The following MARCHF1 variants were observed in gnomAD, a reference collection of about 807,000 sequenced individuals.
MARCHF1 encodes membrane associated ring-CH-type finger 1.
A neutral mutation model predicts 54.2 loss-of-function variants in MARCHF1; 40 were observed. The observed-to-expected ratio is 0.74, with a 90% CI of 0.57 to 0.96. The LOEUF (loss-of-function observed/expected upper bound fraction) is 0.96, where lower values mean the gene tolerates loss of function less well. Ranked by LOEUF, MARCHF1 falls within the 40% of genes least tolerant of loss-of-function variation. The probability of loss-of-function intolerance (pLI) is 0.00; values close to 1 mark genes in which losing one functional copy is unlikely to be tolerated. For synonymous variants in MARCHF1, 236 were observed against 236.3 expected, an observed-to-expected ratio of 1.00 and a Z score of 0.01; for missense variants, 586 against 656.5, an observed-to-expected ratio of 0.89 and a Z score of 1.17.
chr4:164,373,156 C>T (rs1483975975), intron 1 of MARCHF1, among the ~76,000 whole-genome samples: 2 of 152,092 alleles, frequency 1.3e-5, no homozygotes, highest in Non-Finnish European at 2.9e-5. Flanking sequence ...ATACTATCAT[C>T]TGCATTTTGC....
intron 1 of MARCHF1, among the ~76,000 whole-genome samples, chr4:164,358,012 T>C (rs567691078): frequency 6.6e-6 from 1 of 152,242 alleles, no homozygotes; most frequent in East Asian, 1.9e-4. Flanking sequence ...GTAAAGGCTG[T>C]AGAAATTACA....
chr4:164,054,894 A>C (rs993701559), intron 2 of MARCHF1, among the ~76,000 whole-genome samples: 4 of 151,796 alleles, frequency 2.6e-5, no homozygotes, highest in African/African-American at 9.7e-5. Flanking sequence ...TAACATGCAC[A>C]ATGTGCACAT....
At chr4:163,907,051 GTAACATGTATTT>G (rs1450996665) in intron 3 of MARCHF1, among the ~76,000 whole-genome samples, 1 of 151,906 alleles carries the variant, frequency 6.6e-6, no homozygotes, top group Non-Finnish European at 1.5e-5. Flanking sequence ...TATTTCTTCA[GTAACATGTATTT>G]TATATCATCT....
intron 2 of MARCHF1, among the ~76,000 whole-genome samples, chr4:164,017,639 T>C (rs74981495): frequency 0.038 from 5,844 of 151,912 alleles, 358 homozygotes; most frequent in African/African-American, 0.13. Flanking sequence ...AACTACAAAA[T>C]GCTGCTGAAA....
rs1363431537 is a variant in MARCHF1, at chr4:164,151,186, A to T, written c.-322-39524T>A. ...AATGTGAATTGTTTTAAGACAATGTATGCAATAATTTGTAGTAACAGCAAT... is the reference window on the plus strand; with the variant it reads ...AATGTGAATTGTTTTAAGACAATGTTTGCAATAATTTGTAGTAACAGCAAT... On this transcript the variant is annotated intron_variant, in intron 1 of 9. Transcript: ENST00000514618. Among the ~76,000 whole-genome samples, 42 of 152,222 alleles carry T rather than the reference A, an allele frequency of 2.8e-4. 1 individual carries two copies. Among genetic ancestry groups the T allele is most frequent in the Admixed American group, 2.8e-3 (42 of 15,270 alleles).
At chr4:163,540,399 C>T (rs1738684397) in intron 9 of MARCHF1, among the ~76,000 whole-genome samples, 1 of 151,982 alleles carries the variant, frequency 6.6e-6, no homozygotes, top group African/African-American at 2.4e-5. Context: ...GCTATTGGGG[C>T]CTTGGGGTTG....
intron 4 of MARCHF1, among the ~76,000 whole-genome samples, chr4:163,756,174 C>T (rs930534754): frequency 2.6e-5 from 4 of 152,236 alleles, no homozygotes; most frequent in East Asian, 3.9e-4. Context: ...CAGAAGCCCA[C>T]GTACAAGGTT....
At chr4:163,811,791 T>C in intron 4 of MARCHF1, among the ~76,000 whole-genome samples, 1 of 152,208 alleles carries the variant, frequency 6.6e-6, no homozygotes, top group East Asian at 1.9e-4. Flanking sequence ...GATTATATCA[T>C]TTCATATTCA....
At chr4:164,040,236 T>C (rs1254101994) in intron 2 of MARCHF1, among the ~76,000 whole-genome samples, 1 of 144,446 alleles carries the variant, frequency 6.9e-6, no homozygotes, top group African/African-American at 2.5e-5. Context: ...TACACATGTA[T>C]ATACTTATAT....
At chr4:164,235,054 T>G (rs1256453078) in intron 1 of MARCHF1, 6 of 152,112 alleles carry the variant, frequency 3.9e-5, no homozygotes, top group African/African-American at 1.4e-4. Context: ...TTCCTTTACA[T>G]CTCTTTCTCC....
chr4:164,139,561 G>C (rs1036342967), intron 1 of MARCHF1, among the ~76,000 whole-genome samples: 4 of 152,032 alleles, frequency 2.6e-5, no homozygotes, highest in Non-Finnish European at 4.4e-5. Context: ...TCACAAAGGG[G>C]CTGGGAAAGT....
chr4:163,737,285 A>G (rs1402659830), intron 4 of MARCHF1, among the ~76,000 whole-genome samples: 1 of 76,658 alleles, frequency 1.3e-5, no homozygotes, highest in African/African-American at 3.9e-5. Flanking sequence ...TTACATATGT[A>G]TACATGTGCC....
intron 1 of MARCHF1, among the ~76,000 whole-genome samples, chr4:164,351,426 G>C (rs907861731): frequency 6.6e-6 from 1 of 150,654 alleles, no homozygotes; most frequent in African/African-American, 2.4e-5. Context: ...AGAATGGGCA[G>C]ACTGCCTCCT....
intron 4 of MARCHF1, among the ~76,000 whole-genome samples, chr4:163,794,158 A>C (rs1747848594): frequency 6.6e-6 from 1 of 152,216 alleles, no homozygotes; most frequent in African/African-American, 2.4e-5. Flanking sequence ...ACTGAGTAGC[A>C]GATGTGGTAC....
chr4:164,202,838 A>G (rs1211606529), intron 1 of MARCHF1, among the ~76,000 whole-genome samples: 1 of 152,214 alleles, frequency 6.6e-6, no homozygotes, highest in Non-Finnish European at 1.5e-5. Context: ...TTATCAAACT[A>G]TAGTAACCCC....
chr4:164,140,337 C>T (rs1756501279), intron 1 of MARCHF1, among the ~76,000 whole-genome samples: 1 of 151,596 alleles, frequency 6.6e-6, no homozygotes, highest in African/African-American at 2.4e-5. Flanking sequence ...CCCTCAAAGC[C>T]TTGAACTTGA....
chr4:164,158,267 G>A (rs1441655796), intron 1 of MARCHF1, among the ~76,000 whole-genome samples: 2 of 152,072 alleles, frequency 1.3e-5, no homozygotes, highest in South Asian at 2.1e-4. Flanking sequence ...ATTTTCATGA[G>A]GACAAATTCA....
At chr4:163,876,421 G>T (rs930556934) in intron 3 of MARCHF1, among the ~76,000 whole-genome samples, 5 of 152,134 alleles carry the variant, frequency 3.3e-5, no homozygotes, top group Admixed American at 2.6e-4. Flanking sequence ...TTCAGAATGT[G>T]TCTCAAATCC....
intron 1 of MARCHF1, among the ~76,000 whole-genome samples, chr4:164,307,069 C>G (rs927791888): frequency 3.9e-5 from 6 of 152,038 alleles, no homozygotes; most frequent in African/African-American, 1.4e-4. Context: ...AAATATAACT[C>G]TTGCTTGAAC....
Sources: allele counts gnomAD v4.1 joint callset (sites outside exome capture counted in the v4.1 genomes callset), GRCh38; gene constraint gnomAD v4.1.1; transcripts MANE v1.5; gene names NCBI Gene and HGNC (gene_info 2026-07-23, HGNC 2026-07-21).